Variants in LAMA2 observed in about 807,000 individuals in gnomAD.
LAMA2 encodes the protein laminin subunit alpha-2.
In LAMA2, 269 loss-of-function variants were observed where a neutral mutation model predicts 364.8. The ratio of observed to expected loss-of-function variants is 0.74; its 90% CI spans 0.67 to 0.82. The LOEUF is 0.82. Among genes scored for constraint, LAMA2 ranks in the 40% least tolerant of loss-of-function variants. LAMA2 has a pLI of 0.00. For missense variants in LAMA2, 3,807 were observed against 3,873.2 expected (o/e 0.98, Z 0.45); for synonymous variants, 1,379 against 1,370.6 (o/e 1.01, Z -0.14).
intron 41 of LAMA2, among the ~76,000 whole-genome samples, chr6:129,428,867 G>A (rs554781555): frequency 1.7e-4 from 26 of 152,044 alleles, no homozygotes; most frequent in Non-Finnish European, 2.8e-4. Context: ...CTCTATATGA[G>A]CCATTACAAT....
chr6:129,447,361 G>A (rs773013199), intron 45 of LAMA2, among the ~76,000 whole-genome samples: 3 of 152,108 alleles, frequency 2.0e-5, no homozygotes, highest in Non-Finnish European at 2.9e-5. Flanking sequence ...AGGTGGGATA[G>A]TGCTGGGGAG....
chr6:128,987,260 C>A (rs1193012646), intron 1 of LAMA2, among the ~76,000 whole-genome samples: 1 of 151,530 alleles, frequency 6.6e-6, no homozygotes, highest in Non-Finnish European at 1.5e-5. Context: ...CTGCTTCAGC[C>A]TCCCTAGTAG....
chr6:129,219,799 G>A (rs1257497758), intron 12 of LAMA2, among the ~76,000 whole-genome samples: 1 of 129,628 alleles, frequency 7.7e-6, no homozygotes, highest in Non-Finnish European at 1.6e-5. Flanking sequence ...GACACAGGAA[G>A]GGGAACATCA....
chr6:129,400,742 T>C (rs549737710), intron 37 of LAMA2, among the ~76,000 whole-genome samples: 1 of 152,312 alleles, frequency 6.6e-6, no homozygotes, highest in South Asian at 2.1e-4. Flanking sequence ...CATGTGATGG[T>C]TTCTCTATTT....
intron 50 of LAMA2, among the ~76,000 whole-genome samples, 160 bp downstream of exon 50, chr6:129,464,612 C>T (rs2114808834): frequency 6.6e-6 from 1 of 152,028 alleles, no homozygotes; most frequent in Middle Eastern, 3.4e-3. Context: ...ACAGATAGTG[C>T]TTATATATTT....
chr6:129,466,101 C>G lies in LAMA2; in HGVS notation c.7300+812C>G, dbSNP rs1050597470. ...TTTACGTTTAAATTTAAATTTGTAC[C>G]GTCTTTCATTTCTGCATTTAATACA... On this transcript the variant is annotated intron_variant, in intron 51 of 64. Coordinates refer to ENST00000421865, the MANE Select transcript of LAMA2 (RefSeq NM_000426.4). Among the ~76,000 whole-genome samples the G allele has an allele frequency of 7.9e-5, 12 of 151,800 alleles. 1 individual carries two copies. The highest frequency in any genetic ancestry group is 2.7e-4 in the African/African-American group (11 of 41,366).
At chr6:129,270,812 A>G in intron 17 of LAMA2, 61 bp downstream of exon 17, 2 of 1,500,550 alleles carry the variant, frequency 1.3e-6, no homozygotes, top group Non-Finnish European at 1.9e-6. Flanking sequence ...TACACTTTTC[A>G]TAGCAAATAT....
At chr6:129,412,684 A>G (rs1227688564) in intron 40 of LAMA2, among the ~76,000 whole-genome samples, 2 of 152,258 alleles carry the variant, frequency 1.3e-5, no homozygotes, top group South Asian at 2.1e-4. Flanking sequence ...CATGATGGAC[A>G]TAATTCAAGT....
chr6:128,960,845 A>G (rs1781442943), intron 1 of LAMA2, among the ~76,000 whole-genome samples: 1 of 152,062 alleles, frequency 6.6e-6, no homozygotes, highest in South Asian at 2.1e-4. Context: ...ATGTTTTGCT[A>G]GTTCTCCGAG....
intron 58 of LAMA2, among the ~76,000 whole-genome samples, chr6:129,501,979 C>T (rs912464502): frequency 2.6e-5 from 4 of 152,286 alleles, no homozygotes; most frequent in Admixed American, 1.3e-4. Context: ...GACAGCAGAG[C>T]ATTAAACCAT....
chr6:129,200,189 TATATACATGTACAC>T (rs1312058199), intron 12 of LAMA2, among the ~76,000 whole-genome samples: 1 of 149,354 alleles, frequency 6.7e-6, no homozygotes, highest in African/African-American at 2.4e-5. Flanking sequence ...TACATGTGTA[TATATACATGTACAC>T]ATATACATGT....
intron 1 of LAMA2, among the ~76,000 whole-genome samples, chr6:128,961,039 G>T (rs1781457711): frequency 6.6e-6 from 1 of 151,206 alleles, no homozygotes; most frequent in South Asian, 2.1e-4. Flanking sequence ...TATGAACAAG[G>T]TATCATTTCA....
In LAMA2 at chr6:128,883,349, A is replaced by T; in HGVS notation, c.104A>T (p.Gln35Leu). 1 of 1,597,072 alleles carries T rather than the reference A, an allele frequency of 6.3e-7. No homozygotes were observed. Among genetic ancestry groups the T allele is most frequent in the South Asian group, 1.1e-5 (1 of 88,248 alleles). The change falls in exon 1 of 65, where the codon CAG (glutamine) becomes CTG (leucine). Residue 35 changes from glutamine to leucine, a missense_variant. Gln to Leu is a moderately radical substitution (Grantham distance 113, BLOSUM62 -2). This residue lies in a region of LAMA2 where 394 missense variants were observed against 403.5 expected (regional missense o/e 0.98). Transcript: ENST00000421865. Reference sequence around the variant, plus strand: ...CAGCAGCGGCAGTCACAGGCACATCAGCAAAGAGGTACAGTCGAGGCATGG... The same window carrying T: ...CAGCAGCGGCAGTCACAGGCACATCTGCAAAGAGGTACAGTCGAGGCATGG... ...PQQQRQSQAHQQRGLFPAVLN... is the reference protein window; with the variant it reads ...PQQQRQSQAHLQRGLFPAVLN...
chr6:129,456,750 G>A (rs578010786), intron 48 of LAMA2, among the ~76,000 whole-genome samples: 34 of 152,136 alleles, frequency 2.2e-4, no homozygotes, highest in East Asian at 9.7e-4. Flanking sequence ...TCAGTTTTTT[G>A]TATATTCTTG....
At chr6:129,389,190 T>C (rs752774480) in intron 35 of LAMA2, among the ~76,000 whole-genome samples, 8 of 152,194 alleles carry the variant, frequency 5.3e-5, no homozygotes, top group Non-Finnish European at 1.0e-4. Context: ...CACCTGACAA[T>C]AACTTCTACC....
intron 1 of LAMA2, among the ~76,000 whole-genome samples, chr6:128,991,680 CTA>C (rs1462252123): frequency 6.6e-6 from 1 of 152,124 alleles, no homozygotes; most frequent in Non-Finnish European, 1.5e-5. Flanking sequence ...TTATGATTGA[CTA>C]TGAAATCTAT....
At chr6:129,225,490 T>C (rs1179781294) in intron 12 of LAMA2, among the ~76,000 whole-genome samples, 2 of 152,252 alleles carry the variant, frequency 1.3e-5, no homozygotes, top group African/African-American at 4.8e-5. Flanking sequence ...AATTTCCCTC[T>C]ACACACTGCT....
chr6:129,043,760 A>G (rs1787269178), intron 1 of LAMA2, among the ~76,000 whole-genome samples: 1 of 152,124 alleles, frequency 6.6e-6, no homozygotes, highest in Non-Finnish European at 1.5e-5. Flanking sequence ...TGTTCCTCTG[A>G]AGAGCACTCA....
intron 56 of LAMA2, 27 bp downstream of exon 56, chr6:129,486,649 A>G (rs767483472): frequency 6.2e-7 from 1 of 1,605,504 alleles, no homozygotes; most frequent in Non-Finnish European, 8.5e-7. Flanking sequence ...AATATTTATT[A>G]TTGTAACTCA....
Sources: allele counts gnomAD v4.1 joint callset (sites outside exome capture counted in the v4.1 genomes callset), GRCh38; gene constraint gnomAD v4.1.1; regional missense constraint gnomAD v4.1.1; transcripts MANE v1.5; gene names NCBI Gene and HGNC (gene_info 2026-07-23, HGNC 2026-07-21).